Variants in UPF2 observed in about 807,000 individuals in gnomAD.
UPF2 encodes the protein UPF2 regulator of nonsense mediated mRNA decay.
A neutral mutation model predicts 141.4 loss-of-function variants in UPF2; 17 were observed. The ratio of observed to expected loss-of-function variants is 0.12; its 90% CI spans 0.08 to 0.18. The LOEUF (loss-of-function observed/expected upper bound fraction) is 0.18, where lower values mean the gene tolerates loss of function less well. Among genes scored for constraint, UPF2 ranks in the 10% least tolerant of loss-of-function variants. The pLI is 1.00. For missense variants in UPF2, 1,152 were observed against 1,515.9 expected, an observed-to-expected ratio of 0.76 and a Z score of 3.99; for synonymous variants, 540 against 498.0, an observed-to-expected ratio of 1.08 and a Z score of -1.12.
chr10:11,925,937 C>A (rs1832707313), intron 21 of UPF2, among the ~76,000 whole-genome samples: 1 of 152,154 alleles, frequency 6.6e-6, no homozygotes, highest in Non-Finnish European at 1.5e-5. Flanking sequence ...AGCAGAAGGG[C>A]ACACACAGAT....
chr10:11,976,321 T>C (rs1200678986), intron 9 of UPF2, among the ~76,000 whole-genome samples: 2 of 152,120 alleles, frequency 1.3e-5, no homozygotes, highest in Admixed American at 6.6e-5. Flanking sequence ...ACTCCAGGTA[T>C]GGAAAATGAA....
intron 14 of UPF2, among the ~76,000 whole-genome samples, chr10:11,952,465 A>G (rs1280027159): frequency 1.4e-5 from 2 of 145,674 alleles, no homozygotes; most frequent in Non-Finnish European, 3.0e-5. Flanking sequence ...AATTTACTAA[A>G]TATCTTTTTT....
chr10:12,028,311 T>C (rs1834456143), intron 3 of UPF2, among the ~76,000 whole-genome samples: 1 of 152,208 alleles, frequency 6.6e-6, no homozygotes, highest in Non-Finnish European at 1.5e-5. Context: ...TGGTAATTAA[T>C]GACTCATTTT....
chr10:11,977,278 G>T (rs1833520437), intron 9 of UPF2, among the ~76,000 whole-genome samples: 1 of 152,186 alleles, frequency 6.6e-6, no homozygotes, highest in Non-Finnish European at 1.5e-5. Context: ...AGTGGTGAAT[G>T]TGTTTCTGCC....
chr10:11,954,362 G>A (rs1420505805), intron 14 of UPF2, among the ~76,000 whole-genome samples: 2 of 151,970 alleles, frequency 1.3e-5, no homozygotes, highest in African/African-American at 4.8e-5. Flanking sequence ...GCTGGGCACA[G>A]TGACTCACGC....
chr10:11,947,012 G>A (rs929449867), intron 16 of UPF2, among the ~76,000 whole-genome samples: 1 of 152,214 alleles, frequency 6.6e-6, no homozygotes, highest in African/African-American at 2.4e-5. Context: ...GATTAGGTTG[G>A]CCAACATGGT....
intron 3 of UPF2, among the ~76,000 whole-genome samples, chr10:12,022,354 G>C (rs1032159722): frequency 6.6e-6 from 1 of 151,234 alleles, no homozygotes; most frequent in African/African-American, 2.4e-5. Context: ...GGAGGTTGCA[G>C]AGAGCTGAGA....
intron 3 of UPF2, among the ~76,000 whole-genome samples, chr10:12,027,846 G>A (rs893392603): frequency 2.0e-5 from 3 of 152,042 alleles, no homozygotes; most frequent in Admixed American, 6.6e-5. Context: ...TATGAAACTA[G>A]AAAAGGATCT....
intron 10 of UPF2, among the ~76,000 whole-genome samples, chr10:11,964,833 T>A (rs1833294856): frequency 6.6e-6 from 1 of 152,180 alleles, no homozygotes; most frequent in African/African-American, 2.4e-5. Flanking sequence ...GGATTTCCAA[T>A]TTTCTGAGAT....
Position 12,029,030 on chromosome 10 carries a change from A to G in UPF2, c.860T>C (p.Ile287Thr). Residue 287 changes from isoleucine to threonine, a missense_variant, in exon 3 of 22, where the codon ATC becomes ACC. Around this residue, in one of 4 missense-constraint regions of UPF2, gnomAD observed 739 missense variants for 1,032.2 expected, o/e 0.72. Coordinates refer to ENST00000357604, the MANE Select transcript of UPF2 (RefSeq NM_015542.4). ...IFTDKEGLSL[I>T]YEQLKNIINA... is the part of the protein sequence containing the mutation. ...AATAATATTTTTTAGCTGTTCATAG[A>G]TTAAGGAAAGACCTTCCTTGTCAGT... The G allele has an allele frequency of 6.2e-7, 1 of 1,614,220 alleles. No homozygotes were observed. The highest frequency in any genetic ancestry group is 8.5e-7 in the Non-Finnish European group (1 of 1,180,044).
chr10:12,039,480 T>A (rs944178018), intron 1 of UPF2, among the ~76,000 whole-genome samples: 1 of 152,196 alleles, frequency 6.6e-6, no homozygotes, highest in Non-Finnish European at 1.5e-5. Context: ...CATGATCTTA[T>A]TGAAGGATAT....
intron 8 of UPF2, among the ~76,000 whole-genome samples, chr10:11,989,265 G>A (rs1179985472): frequency 6.6e-6 from 1 of 152,174 alleles, no homozygotes; most frequent in Non-Finnish European, 1.5e-5. Context: ...CATGAGAAAT[G>A]TATAAAAATT....
chr10:11,978,822 C>T (rs1833548335), intron 9 of UPF2, among the ~76,000 whole-genome samples: 1 of 152,124 alleles, frequency 6.6e-6, no homozygotes, highest in Admixed American at 6.6e-5. Flanking sequence ...AGTGCTGTTC[C>T]CGCAATGGGG....
intron 3 of UPF2, among the ~76,000 whole-genome samples, chr10:12,027,753 G>T (rs938117080): frequency 3.9e-5 from 6 of 151,966 alleles, no homozygotes; most frequent in Admixed American, 1.3e-4. Flanking sequence ...CTGTACTACT[G>T]GCATACACTA....
At position 11,921,155 on chromosome 10, in the gene UPF2, G is replaced by T; in HGVS notation, c.*143C>A. The T allele has an allele frequency of 8.6e-7, 1 of 1,163,114 alleles. No homozygotes were observed. The highest frequency in any genetic ancestry group is 2.3e-5 in the East Asian group (1 of 42,802). 72.0% of individuals were successfully genotyped at this position (1,163,114 alleles called of 1,614,324 possible). A position where few individuals can be genotyped will look rare whatever the true frequency, so the allele number is the denominator to read the frequency against. Reference sequence around the variant, plus strand: ...CAGAGGCTGGTGTTTCTGCCTCCTGGCCCCAGCCTGTCCCAGGTTTAGATT... The same window carrying T: ...CAGAGGCTGGTGTTTCTGCCTCCTGTCCCCAGCCTGTCCCAGGTTTAGATT... On this transcript the variant is annotated 3_prime_UTR_variant, in exon 22 of 22. Transcript: ENST00000357604. This position sits in a 1 kb window ranked among gnomAD's most constrained non-coding sequence, Gnocchi z 5.9.
chr10:11,999,512 CAAA>C (rs1325502291), intron 7 of UPF2, among the ~76,000 whole-genome samples: 9 of 100,368 alleles, frequency 9.0e-5, no homozygotes, highest in South Asian at 5.9e-4. Context: ...GACTCCATCT[CAAA>C]AAAAAAAAAA....
intron 16 of UPF2, among the ~76,000 whole-genome samples, chr10:11,947,895 T>C (rs1833023448): frequency 6.6e-6 from 1 of 151,920 alleles, no homozygotes; most frequent in Non-Finnish European, 1.5e-5. Flanking sequence ...TTAAAAACTT[T>C]TAATTAAACA....
At chr10:11,948,247 CAAAAAAAA>C (rs139062017) in intron 16 of UPF2, 114 bp downstream of exon 16, 42 of 472,688 alleles carry the variant, frequency 8.9e-5, no homozygotes, top group South Asian at 5.9e-4. Context: ...GACTCTGTCT[CAAAAAAAA>C]AAAAAAAAAA....
At position 12,034,084 on chromosome 10, in the gene UPF2, C is replaced by T. The variant is rs544285853; in HGVS notation, c.365+975G>A. 8.5e-5 allele frequency among the ~76,000 whole-genome samples: 13 copies of T among 152,300 alleles called. No homozygotes were observed. In the South Asian group the frequency reaches 2.7e-3, roughly 32 times the overall value. On this transcript the variant is annotated intron_variant, in intron 2 of 21. Transcript: ENST00000357604. ...AGACCAACCTAGCTTTAAATCCCAA[C>T]AGCTCTACTATTTGCTGTGACCTTA... is the stretch of plus-strand genomic sequence containing the variant.
Sources: gnomAD v4.1 joint callset for allele counts (sites outside exome capture counted in the v4.1 genomes callset) on GRCh38, gnomAD v4.1.1 for gene constraint, gnomAD v4.1.1 regional missense constraint, Gnocchi (gnomAD v3.1) non-coding constraint, MANE v1.5 for transcripts, NCBI Gene and HGNC (gene_info 2026-07-23, HGNC 2026-07-21) for gene names.